The following CASTOR2 variants were observed in gnomAD, a reference collection of about 807,000 sequenced individuals.
CASTOR2 encodes GATS protein like 2.
A neutral mutation model predicts 31.2 loss-of-function variants in CASTOR2; 8 were observed. The observed-to-expected ratio is 0.26, with a 90% CI of 0.15 to 0.46. The LOEUF is 0.46. CASTOR2 is among the 20% of genes least tolerant of loss of function. CASTOR2 has a pLI of 0.99. For missense variants in CASTOR2, 216 were observed against 382.1 expected (o/e 0.57, Z 3.62); for synonymous variants, 162 against 158.7 (o/e 1.02, Z -0.16).
At chr7:75,017,569 A>G in intron 2 of CASTOR2, 29 bp from the exon 3 acceptor site, 2 of 1,610,660 alleles carry the variant, frequency 1.2e-6, no homozygotes, top group Non-Finnish European at 1.7e-6. Flanking sequence ...CTCAGCAGTC[A>G]CAGGACTGCC....
At chr7:74,972,441 C>T (rs1477142355) in intron 1 of CASTOR2, among the ~76,000 whole-genome samples, 1 of 151,238 alleles carries the variant, frequency 6.6e-6, no homozygotes, top group African/African-American at 2.4e-5. Flanking sequence ...CTCCTTTTTG[C>T]CCATGAAATG....
At chr7:75,001,822 T>A (rs1481231377) in intron 1 of CASTOR2, among the ~76,000 whole-genome samples, 2 of 152,154 alleles carry the variant, frequency 1.3e-5, no homozygotes, top group Admixed American at 6.5e-5. Context: ...TTGTAATAGT[T>A]TGTGGGAAGC....
intron 2 of CASTOR2, among the ~76,000 whole-genome samples, chr7:75,013,116 G>A (rs1334355463): frequency 1.3e-5 from 2 of 152,190 alleles, no homozygotes; most frequent in South Asian, 2.1e-4. Context: ...AATGAAGGCC[G>A]GTGCCCTGTC....
chr7:74,971,148 A>G (rs1191418784), intron 1 of CASTOR2, among the ~76,000 whole-genome samples: 2 of 143,546 alleles, frequency 1.4e-5, no homozygotes, highest in East Asian at 4.1e-4. Flanking sequence ...GGCACCCACC[A>G]CCATGCCCGG....
intron 1 of CASTOR2, among the ~76,000 whole-genome samples, chr7:74,988,586 C>T (rs1161053876): frequency 2.4e-4 from 37 of 152,224 alleles, no homozygotes; most frequent in African/African-American, 7.2e-4. Flanking sequence ...CGTGAGCCAC[C>T]GCACCCGGCC....
At chr7:74,984,843 A>G (rs1414876826) in intron 1 of CASTOR2, among the ~76,000 whole-genome samples, 1 of 152,144 alleles carries the variant, frequency 6.6e-6, no homozygotes, top group East Asian at 1.9e-4. Flanking sequence ...AGTCTGATTT[A>G]AGAGCCACTT....
At chr7:74,994,947 G>A (rs1355880084) in intron 1 of CASTOR2, among the ~76,000 whole-genome samples, 3 of 152,124 alleles carry the variant, frequency 2.0e-5, no homozygotes, top group African/African-American at 4.8e-5. Flanking sequence ...ACCACAGGAA[G>A]CAGAGGACTG....
intron 1 of CASTOR2, 130 bp from the exon 2 acceptor site, chr7:75,007,864 C>T (rs1458514513): frequency 3.0e-5 from 38 of 1,250,984 alleles, no homozygotes; most frequent in Middle Eastern, 3.7e-4. Context: ...AACTTACCCG[C>T]GGTCACCCCA....
intron 2 of CASTOR2, among the ~76,000 whole-genome samples, chr7:75,012,405 C>G (rs1167925422): frequency 1.3e-5 from 2 of 152,132 alleles, no homozygotes; most frequent in African/African-American, 2.4e-5. Flanking sequence ...CAGGTTCAAG[C>G]GATTCTCCTG....
chr7:75,016,762 C>T (rs1804872493), intron 2 of CASTOR2, among the ~76,000 whole-genome samples: 1 of 152,230 alleles, frequency 6.6e-6, no homozygotes, highest in Non-Finnish European at 1.5e-5. Flanking sequence ...CGGTGCAGAT[C>T]AACCACTTGC....
At chr7:74,995,408 G>A (rs1554437827) in intron 1 of CASTOR2, among the ~76,000 whole-genome samples, 11 of 149,478 alleles carry the variant, frequency 7.4e-5, no homozygotes, top group East Asian at 4.0e-4. Flanking sequence ...TGGCTCACAC[G>A]TAACCCCAGG....
In CASTOR2 at chr7:75,027,515, T is replaced by G. The variant is rs1479252014; in HGVS notation, c.*2816T>G. The G allele has an allele frequency of 6.3e-6, 1 of 159,688 alleles. No homozygotes were observed. The highest frequency in any genetic ancestry group is 1.4e-5 in the Non-Finnish European group (1 of 72,038). The allele number at this position is 159,688 out of a possible 1,614,324, so 9.9% of individuals were successfully genotyped here. ...TTTTACGCAGGCAGCTTCTCTGTTTTTTTTGTTTTTTGTAACCTGCAAGCT... is the reference window on the plus strand; with the variant it reads ...TTTTACGCAGGCAGCTTCTCTGTTTGTTTTGTTTTTTGTAACCTGCAAGCT... On this transcript the variant is annotated 3_prime_UTR_variant, in exon 9 of 9. Transcript: ENST00000616305.
At chr7:75,019,462 G>T (rs1207693821) in intron 5 of CASTOR2, among the ~76,000 whole-genome samples, 6 of 152,150 alleles carry the variant, frequency 3.9e-5, no homozygotes, top group Admixed American at 2.0e-4. Flanking sequence ...TGGGGTGGGA[G>T]ACATGGACCC....
chr7:74,994,413 T>C (rs1180757190), intron 1 of CASTOR2, among the ~76,000 whole-genome samples: 1 of 152,186 alleles, frequency 6.6e-6, no homozygotes, highest in Non-Finnish European at 1.5e-5. Context: ...TTTCCTCATC[T>C]GTCAAATGGG....
chr7:74,989,663 AC>A (rs1804158897), intron 1 of CASTOR2, among the ~76,000 whole-genome samples: 1 of 146,884 alleles, frequency 6.8e-6, no homozygotes, highest in Admixed American at 7.0e-5. Context: ...CGATCCTCCC[AC>A]CCCAGCCTCC....
rs1315624734 is a variant in CASTOR2 at position 75,031,090 on chromosome 7, TC to T, written c.*6394del. Among the ~76,000 whole-genome samples, 3 of 152,196 alleles carry T rather than the reference TC, an allele frequency of 2.0e-5. No homozygotes were observed. The highest frequency in any genetic ancestry group is 4.4e-5 in the Non-Finnish European group (3 of 68,038). ...CAGTCTAGGAAGAGTTGAGCAGAGT[TC>T]CCTCTAAAAGAGTAGGGAGCTGATA... On this transcript the variant is annotated 3_prime_UTR_variant, in exon 9 of 9. Transcript: ENST00000616305.
At chr7:75,016,732 C>T (rs1400290634) in intron 2 of CASTOR2, among the ~76,000 whole-genome samples, 1 of 152,200 alleles carries the variant, frequency 6.6e-6, no homozygotes, top group Non-Finnish European at 1.5e-5. Context: ...CATCGTTTTA[C>T]GGCTGAGCAA....
Position 75,020,093 on chromosome 7 carries a change from C to T in CASTOR2, c.690C>T (p.Ser230=), listed in dbSNP as rs953337541. Reference sequence around the variant, plus strand: ...ACTGCGGCCACATCCGCTTCTTCTCCTTCTCCCTCATCGAGGGCTACATCT... The same window carrying T: ...ACTGCGGCCACATCCGCTTCTTCTCTTTCTCCCTCATCGAGGGCTACATCT... ...GDDCGHIRFF[S]FSLIEGYISL... Residue 230 remains serine (S), a synonymous_variant, in exon 6 of 9, where the codon TCC becomes TCT. Transcript: ENST00000616305. 150 of 1,551,406 alleles carry T rather than the reference C, an allele frequency of 9.7e-5. 1 individual carries two copies. Among genetic ancestry groups the T allele is most frequent in the Admixed American group, 4.1e-4 (21 of 50,984 alleles).
At chr7:74,982,439 T>A (rs1223719190) in intron 1 of CASTOR2, among the ~76,000 whole-genome samples, 4 of 151,730 alleles carry the variant, frequency 2.6e-5, no homozygotes, top group South Asian at 2.1e-4. Context: ...GTGAATTTCC[T>A]GGGTGACTCC....
Sources: gnomAD v4.1 joint callset for allele counts (sites outside exome capture counted in the v4.1 genomes callset) on GRCh38, gnomAD v4.1.1 for gene constraint, MANE v1.5 for transcripts, NCBI Gene and HGNC (gene_info 2026-07-23, HGNC 2026-07-21) for gene names.